The following ERI2 variants were observed in gnomAD, a reference collection of about 807,000 sequenced individuals.
ERI2 encodes ERI1 exoribonuclease family member 2.
A neutral mutation model predicts 46.8 loss-of-function variants in ERI2; 35 were observed. The ratio of observed to expected loss-of-function variants is 0.75; its 90% CI spans 0.57 to 0.99. The LOEUF (loss-of-function observed/expected upper bound fraction) is 0.99. ERI2 is among the 50% of genes least tolerant of loss of function. ERI2 has a pLI of 0.00. For synonymous variants in ERI2, 224 were observed against 271.0 expected (o/e 0.83, Z 1.70); for missense variants, 695 against 796.2 (o/e 0.87, Z 1.53).
At position 20,785,129 on chromosome 16, in the gene ERI2, A is replaced by G. The variant is rs1169844629; in HGVS notation, c.894+4350T>C. On this transcript the variant is annotated intron_variant, in intron 10 of 10. Transcript: ENST00000300005. ...AACGGTACCTGACCTCACTGAAAAG[A>G]CATAGCTGGATTCCATTTAGTCAGA... 3 of 1,611,886 alleles carry G rather than the reference A, an allele frequency of 1.9e-6. No homozygotes were observed. In the Admixed American group the frequency reaches 5.0e-5, roughly 27 times the overall value.
chr16:20,803,383 T>C (rs1265043234), intron 3 of ERI2, 50 bp downstream of exon 3: 2 of 1,577,342 alleles, frequency 1.3e-6, no homozygotes, highest in Admixed American at 3.6e-5. Context: ...CTATAAACTT[T>C]AAAGTGACTC....
At chr16:20,788,773 G>GT (rs1042057126) in intron 10 of ERI2, among the ~76,000 whole-genome samples, 1 of 152,158 alleles carries the variant, frequency 6.6e-6, no homozygotes, top group Admixed American at 6.6e-5. Flanking sequence ...ATTAAAATCT[G>GT]TAAGTAACTG....
chr16:20,797,106 T>C lies in ERI2; in HGVS notation c.*618A>G. On this transcript the variant is annotated 3_prime_UTR_variant, in exon 9 of 9. Transcript: ENST00000357967. ...ACTGTTGATTTAAAATATCTTGTGGTTATGATATCAGAGGCTAAATTTTGA... is the reference window on the plus strand; with the variant it reads ...ACTGTTGATTTAAAATATCTTGTGGCTATGATATCAGAGGCTAAATTTTGA... 1 of 1,395,788 alleles carries C rather than the reference T, an allele frequency of 7.2e-7. No homozygotes were observed. The allele number at this position is 1,395,788 out of a possible 1,614,324, so 86.5% of individuals were successfully genotyped here. A position where few individuals can be genotyped will look rare whatever the true frequency, so the allele number is the denominator to read the frequency against.
intron 5 of ERI2, 103 bp from the exon 6 acceptor site, chr16:20,800,505 G>T (rs533268062): frequency 2.6e-5 from 16 of 624,768 alleles, no homozygotes; most frequent in Non-Finnish European, 3.9e-5. Context: ...ATATAAAATA[G>T]AACAGTATGA....
intron 10 of ERI2, chr16:20,783,152 A>T (rs991560625): frequency 1.3e-5 from 2 of 152,220 alleles, no homozygotes; most frequent in Non-Finnish European, 1.5e-5. Context: ...TCGCCTCATG[A>T]GAACAAAAGA....
In ERI2 at chr16:20,798,694, T is replaced by C; in HGVS notation, c.1106A>G (p.Lys369Arg). 2.6e-6 allele frequency: 4 copies of C among 1,551,686 alleles called. No individual in the cohort carries two copies. Among genetic ancestry groups the C allele is most frequent in the Non-Finnish European group, 3.5e-6 (4 of 1,146,940 alleles). ...NEHLAFNTKS[K>R]ASTVGSELVL... ...CAATTCTGAACCAACTGTTGAAGCCTTAGATTTGGTATTAAATGCAAGATG... is the reference window on the plus strand; with the variant it reads ...CAATTCTGAACCAACTGTTGAAGCCCTAGATTTGGTATTAAATGCAAGATG... The change falls in exon 9 of 9, where the codon AAG (lysine) becomes AGG (arginine). Residue 369 changes from lysine to arginine, a missense_variant. By Grantham distance (26) the Lys-to-Arg change is conservative (BLOSUM62 2). Transcript: ENST00000357967.
rs1396979512 is a variant in ERI2, at chr16:20,796,680, T to TTGGCTTAC, written c.*1036_*1043dup. The TTGGCTTAC allele has an allele frequency of 4.1e-6, 6 of 1,476,838 alleles. No individual in the cohort carries two copies. Among genetic ancestry groups the TTGGCTTAC allele is most frequent in the Non-Finnish European group, 5.4e-6 (6 of 1,121,196 alleles). 91.5% of individuals were successfully genotyped at this position (1,476,838 alleles called of 1,614,324 possible). On this transcript the variant is annotated 3_prime_UTR_variant, in exon 9 of 9. Transcript: ENST00000357967. ...CCCTGAACCTATTTTGTTTGGTCCTTTGGCTTACTGGACTCACAGTAAATA... is the reference window on the plus strand; with the variant it reads ...CCCTGAACCTATTTTGTTTGGTCCTTTGGCTTACTGGCTTACTGGACTCACAGTAAATA...
Position 20,802,789 on chromosome 16 carries a change from A to G in ERI2, c.303+7T>C, listed in dbSNP as rs753291158. The G allele has an allele frequency of 6.3e-7, 1 of 1,586,424 alleles. No homozygotes were observed. The highest frequency in any genetic ancestry group is 8.6e-7 in the Non-Finnish European group (1 of 1,165,932). ...CTGACTTCTGAATTTTAAGATTTGCATCATACCTGCTTTATGCCTGTCAAT... is the reference window on the plus strand; with the variant it reads ...CTGACTTCTGAATTTTAAGATTTGCGTCATACCTGCTTTATGCCTGTCAAT... On this transcript the variant is annotated splice_region_variant and intron_variant, in intron 4 of 8. Coordinates refer to ENST00000357967, the MANE Select transcript of ERI2 (RefSeq NM_001142725.2).
downstream of ERI2, chr16:20,792,057 A>G (rs763659195): frequency 6.2e-7 from 1 of 1,614,050 alleles, no homozygotes; most frequent in East Asian, 2.2e-5. Flanking sequence ...ATCACTGGGG[A>G]CAGAGGATAT....
At chr16:20,781,711 C>A (rs1486024410) in intron 10 of ERI2, 2 of 1,611,770 alleles carry the variant, frequency 1.2e-6, no homozygotes. Context: ...ATTGCAGACA[C>A]TCTCCAAGTA....
downstream of ERI2, chr16:20,792,132 A>C: frequency 1.2e-6 from 2 of 1,614,154 alleles, no homozygotes; most frequent in Admixed American, 3.3e-5. Context: ...TCCTCTGGGT[A>C]ACTTTCTTTT....
downstream of ERI2, chr16:20,792,222 A>G (rs2152487307): frequency 6.2e-7 from 1 of 1,614,060 alleles, no homozygotes; most frequent in South Asian, 1.1e-5. Context: ...TATTCCTGCC[A>G]TATGTGTTTC....
Position 20,798,131 on chromosome 16 carries a change from G to C in ERI2, c.1669C>G (p.Pro557Ala), listed in dbSNP as rs996307938. 4.5e-6 allele frequency: 7 copies of C among 1,551,420 alleles called. No homozygotes were observed. In the Admixed American group the frequency reaches 1.4e-4, roughly 30 times the overall value. The stretch of plus-strand genomic sequence containing the variant: ...ACTGGGGAGCAATCAGATGATGTAG[G>C]CTTTTCTTCATGAATAGTGAAGGGT... ...KQPFTIHEEKPTSSDCSPVRS... is the reference protein window; with the variant it reads ...KQPFTIHEEKATSSDCSPVRS... The change falls in exon 9 of 9, where the codon CCT becomes GCT. Residue 557 changes from proline (P) to alanine (A), a missense_variant. By Grantham distance (27) the Pro-to-Ala change is conservative. Coordinates refer to ENST00000357967, the MANE Select transcript of ERI2 (RefSeq NM_001142725.2).
rs142356189 is a variant in ERI2 at position 20,790,005 on chromosome 16, T to C, written c.816-448A>G. Among the ~76,000 whole-genome samples, 820 of 152,230 alleles carry C rather than the reference T, an allele frequency of 5.4e-3. 12 individuals carry two copies. The highest frequency in any genetic ancestry group is 0.019 in the African/African-American group (789 of 41,534). ...CCTATTTTTCGATTTATCTATATTGTCTCAAAGGATATTACCAAAATGTGA... is the reference window on the plus strand; with the variant it reads ...CCTATTTTTCGATTTATCTATATTGCCTCAAAGGATATTACCAAAATGTGA... On this transcript the variant is annotated intron_variant, in intron 9 of 10. Transcript: ENST00000300005. This position sits in a 1 kb window ranked among gnomAD's most constrained non-coding sequence, Gnocchi z 4.0.
intron 10 of ERI2, among the ~76,000 whole-genome samples, chr16:20,781,405 C>A (rs1038756538): frequency 1.3e-5 from 2 of 152,026 alleles, no homozygotes; most frequent in Admixed American, 6.6e-5. Context: ...ATAAAAAATA[C>A]CATGTAACAA....
chr16:20,788,281 C>T (rs564080311), intron 10 of ERI2, among the ~76,000 whole-genome samples: 1 of 152,064 alleles, frequency 6.6e-6, no homozygotes, highest in Non-Finnish European at 1.5e-5. Context: ...TGATATGTAA[C>T]ACAGCTATGT....
At chr16:20,789,400 A>G (rs2080543816) in intron 10 of ERI2, 1 of 1,041,326 alleles carries the variant, frequency 9.6e-7, no homozygotes, top group Non-Finnish European at 1.5e-6. Context: ...TACTTAATAA[A>G]TGCTAGCTAC....
At position 20,798,336 on chromosome 16, in the gene ERI2, T is replaced by A; in HGVS notation, c.1464A>T (p.Glu488Asp). 1 of 1,551,586 alleles carries A rather than the reference T, an allele frequency of 6.4e-7. No homozygotes were observed. Among genetic ancestry groups the A allele is most frequent in the Non-Finnish European group, 8.7e-7 (1 of 1,146,912 alleles). Residue 488 changes from glutamate to aspartate, a missense_variant, in exon 9 of 9, where the codon GAA (glutamate) becomes GAT (aspartate). By Grantham distance (45) the Glu-to-Asp change is conservative. Transcript: ENST00000357967. Reference protein sequence around the residue: ...SPHTTIYNVKEAKDPGSDISA... With the variant: ...SPHTTIYNVKDAKDPGSDISA... ...AAATATCTGAACCTGGATCTTTGGC[T>A]TCTTTTACATTATAAATAGTAGTGT...
chr16:20,788,090 CT>C (rs1214583213), intron 10 of ERI2, among the ~76,000 whole-genome samples: 1 of 152,102 alleles, frequency 6.6e-6, no homozygotes, highest in East Asian at 1.9e-4. Context: ...TCACATTCCT[CT>C]TTTTATTTAT....
Sources: allele counts gnomAD v4.1 joint callset (sites outside exome capture counted in the v4.1 genomes callset), GRCh38; gene constraint gnomAD v4.1.1; non-coding constraint Gnocchi (gnomAD v3.1); transcripts MANE v1.5; gene names NCBI Gene and HGNC (gene_info 2026-07-23, HGNC 2026-07-21).